The following HSD17B3 variants were observed in gnomAD, a reference collection of about 807,000 sequenced individuals.
HSD17B3 encodes hydroxysteroid 17-beta dehydrogenase 3, also known as 17-beta-hydroxysteroid dehydrogenase type 3.
In HSD17B3, 29 loss-of-function variants were observed where a neutral mutation model predicts 41.1. The ratio of observed to expected loss-of-function variants is 0.71; its 90% CI spans 0.53 to 0.96. The LOEUF is 0.96. Ranked by LOEUF, HSD17B3 falls within the 40% of genes least tolerant of loss-of-function variation. The pLI is 0.00. For missense variants in HSD17B3, 323 were observed against 374.6 expected (o/e 0.86, Z 1.14); for synonymous variants, 126 against 145.6 (o/e 0.87, Z 0.97).
At chr9:96,293,939 A>G (rs1465315344) in intron 2 of HSD17B3, among the ~76,000 whole-genome samples, 1 of 152,170 alleles carries the variant, frequency 6.6e-6, no homozygotes, top group Non-Finnish European at 1.5e-5. Context: ...GGAGGCTTTG[A>G]CACACATCTG....
chr9:96,281,699 C>A (rs145272901), intron 2 of HSD17B3, among the ~76,000 whole-genome samples: 4 of 152,126 alleles, frequency 2.6e-5, no homozygotes, highest in Non-Finnish European at 5.9e-5. Flanking sequence ...TTGTGGTACA[C>A]GGGGAACTTT....
intron 2 of HSD17B3, among the ~76,000 whole-genome samples, chr9:96,298,212 G>A (rs948769102): frequency 2.0e-5 from 3 of 152,178 alleles, no homozygotes; most frequent in Non-Finnish European, 4.4e-5. Flanking sequence ...GCAAGGTACT[G>A]TCACCTTTGA....
At chr9:96,241,033 T>C in intron 9 of HSD17B3, 126 bp from the exon 10 acceptor site, 1 of 1,172,940 alleles carries the variant, frequency 8.5e-7, no homozygotes, top group East Asian at 2.4e-5. Context: ...AGTTTTAAGA[T>C]CTTGAGTGGA....
In HSD17B3 at chr9:96,240,814, A is replaced by G. The variant is rs1317099193; in HGVS notation, c.766T>C (p.Leu256=). The change falls in exon 10 of 11, where the codon TTG becomes CTG. Residue 256 remains leucine (L), a synonymous_variant. Coordinates refer to ENST00000375263, the MANE Select transcript of HSD17B3 (RefSeq NM_000197.2). ...KTADEFVKES[L]NYVTIGGETC... ...TCACCTCCAATTGTGACATAATTCA[A>G]TGACTCTTTGACAAACTCATCAGCA... is the stretch of plus-strand genomic sequence containing the variant. 6.8e-6 allele frequency: 11 copies of G among 1,614,200 alleles called. No individual in the cohort carries two copies. Among genetic ancestry groups the G allele is most frequent in the Non-Finnish European group, 9.3e-6 (11 of 1,180,022 alleles).
intron 10 of HSD17B3, among the ~76,000 whole-genome samples, chr9:96,238,959 G>A (rs775054432): frequency 8.5e-5 from 13 of 152,332 alleles, no homozygotes; most frequent in Admixed American, 1.3e-4. Context: ...TCAGGTCCAC[G>A]TTGGTGCTGA....
intron 2 of HSD17B3, among the ~76,000 whole-genome samples, chr9:96,290,456 C>CTTTTTTTTT (rs61373611): frequency 2.6e-5 from 2 of 78,416 alleles, no homozygotes; most frequent in Non-Finnish European, 4.3e-5. Flanking sequence ...ATTTCCTGGG[C>CTTTTTTTTT]TTTTTTTTTT....
At chr9:96,255,383 T>TTTTTTTTTTTG in intron 2 of HSD17B3, among the ~76,000 whole-genome samples, 1 of 51,748 alleles carries the variant, frequency 1.9e-5, no homozygotes, top group Non-Finnish European at 3.6e-5. Flanking sequence ...TTTTTTTTTT[T>TTTTTTTTTTTG]TTTTTTTTTT....
At chr9:96,259,445 G>A (rs1160649663) in intron 2 of HSD17B3, among the ~76,000 whole-genome samples, 2 of 152,150 alleles carry the variant, frequency 1.3e-5, no homozygotes, top group South Asian at 2.1e-4. Context: ...TGGCGTGGCC[G>A]GGCACATTGG....
At chr9:96,278,905 C>A (rs1364106966) in intron 2 of HSD17B3, among the ~76,000 whole-genome samples, 1 of 152,198 alleles carries the variant, frequency 6.6e-6, no homozygotes, top group African/African-American at 2.4e-5. Flanking sequence ...GGAACCTGTT[C>A]TTGAAAGCTC....
intron 2 of HSD17B3, among the ~76,000 whole-genome samples, chr9:96,291,207 C>A (rs73547765): frequency 0.039 from 5,869 of 152,100 alleles, 390 homozygotes; most frequent in African/African-American, 0.14. Flanking sequence ...TCATGGAGAG[C>A]CAGGACTTTC....
Position 96,302,140 on chromosome 9 carries a change from G to A in HSD17B3, c.-36C>T. ...AACAGACTGTTTCAGCCCTGGCCGT[G>A]GCTCTCTGTGTATGCCTCCTGGGAC... On this transcript the variant is annotated 5_prime_UTR_variant, in exon 1 of 11. Transcript: ENST00000375263. 1 of 1,609,540 alleles carries A rather than the reference G, an allele frequency of 6.2e-7. No homozygotes were observed. Among genetic ancestry groups the A allele is most frequent in the East Asian group, 2.2e-5 (1 of 44,564 alleles).
intron 10 of HSD17B3, among the ~76,000 whole-genome samples, chr9:96,235,950 A>C (rs1388506843): frequency 2.0e-5 from 3 of 150,174 alleles, no homozygotes; most frequent in Non-Finnish European, 4.4e-5. Context: ...GTACCATAAG[A>C]GTGTGTCACC....
intron 2 of HSD17B3, among the ~76,000 whole-genome samples, chr9:96,279,359 G>C (rs1227065085): frequency 1.3e-5 from 2 of 152,136 alleles, no homozygotes; most frequent in Admixed American, 6.6e-5. Flanking sequence ...GGGTGGGTGT[G>C]GGGGGACTTA....
intron 2 of HSD17B3, among the ~76,000 whole-genome samples, chr9:96,268,645 A>G (rs1826126163): frequency 6.6e-6 from 1 of 152,074 alleles, no homozygotes; most frequent in South Asian, 2.1e-4. Context: ...GCGTATGAAA[A>G]CATGACACAA....
chr9:96,274,139 T>A (rs1826362732), intron 2 of HSD17B3, among the ~76,000 whole-genome samples: 1 of 152,106 alleles, frequency 6.6e-6, no homozygotes, highest in Non-Finnish European at 1.5e-5. Context: ...ATCAGCAAAC[T>A]ACAAAAGAAG....
chr9:96,247,440 T>C, intron 6 of HSD17B3: 1 of 152,538 alleles, frequency 6.6e-6, no homozygotes, highest in Non-Finnish European at 1.5e-5. Context: ...CCAGGGGCCC[T>C]GCAGCAGCTC....
chr9:96,263,083 C>A (rs771541043), intron 2 of HSD17B3, among the ~76,000 whole-genome samples: 1 of 152,208 alleles, frequency 6.6e-6, no homozygotes, highest in African/African-American at 2.4e-5. Context: ...TCAGTGACTT[C>A]GTACAAGAGG....
chr9:96,274,256 T>C (rs1330357516), intron 2 of HSD17B3, among the ~76,000 whole-genome samples: 1 of 152,152 alleles, frequency 6.6e-6, no homozygotes, highest in Non-Finnish European at 1.5e-5. Context: ...TTGGCCAACA[T>C]GGTGAAACCC....
At chr9:96,239,687 C>T (rs1245532511) in intron 10 of HSD17B3, 1 of 152,200 alleles carries the variant, frequency 6.6e-6, no homozygotes, top group African/African-American at 2.4e-5. Flanking sequence ...GTAGAAAAGC[C>T]AATGAGACAG....
Sources: gnomAD v4.1 joint callset for allele counts (sites outside exome capture counted in the v4.1 genomes callset) on GRCh38, gnomAD v4.1.1 for gene constraint, MANE v1.5 for transcripts, NCBI Gene and HGNC (gene_info 2026-07-23, HGNC 2026-07-21) for gene names.